Variants in RNF169 observed in about 807,000 individuals in gnomAD.
RNF169 encodes the protein ring finger protein 169, also known as E3 ubiquitin-protein ligase RNF169.
A neutral mutation model predicts 53.9 loss-of-function variants in RNF169; 24 were observed. The ratio of observed to expected loss-of-function variants is 0.45; its 90% confidence interval spans 0.32 to 0.63. The LOEUF is 0.63. RNF169 is among the 20% of genes least tolerant of loss of function. The pLI, the probability that RNF169 is intolerant of heterozygous loss-of-function variation, is 0.04. For synonymous variants in RNF169, 396 were observed against 363.5 expected (o/e 1.09, Z -1.02); for missense variants, 883 against 906.2 (o/e 0.97, Z 0.33).
At chr11:74,789,335 T>A (rs1474633611) in intron 1 of RNF169, among the ~76,000 whole-genome samples, 1 of 152,194 alleles carries the variant, frequency 6.6e-6, no homozygotes, top group African/African-American at 2.4e-5. Flanking sequence ...GGGAGACTAT[T>A]TTCTATAACA....
intron 1 of RNF169, among the ~76,000 whole-genome samples, chr11:74,774,687 G>A (rs960235932): frequency 6.6e-6 from 1 of 152,150 alleles, no homozygotes. Flanking sequence ...GGGTGTAGTG[G>A]CTCATGCCTG....
At chr11:74,797,777 C>T (rs1300042950) in intron 2 of RNF169, among the ~76,000 whole-genome samples, 2 of 152,154 alleles carry the variant, frequency 1.3e-5, no homozygotes, top group Non-Finnish European at 2.9e-5. Flanking sequence ...CCCAGGAGTT[C>T]GAGACCAGCC....
Position 74,836,575 on chromosome 11 carries a change from G to T in RNF169, c.1972G>T (p.Glu658Ter). The T allele has an allele frequency of 6.2e-7, 1 of 1,614,148 alleles. No homozygotes were observed. The highest frequency in any genetic ancestry group is 8.5e-7 in the Non-Finnish European group (1 of 1,180,048). Residue 658 changes from glutamate to a stop codon, truncating the protein, a stop_gained, in exon 6 of 6, where the codon GAG becomes TAG. Coordinates refer to ENST00000299563, the MANE Select transcript of RNF169 (RefSeq NM_001098638.2). LOFTEE classifies it high-confidence loss of function. The part of the protein sequence containing the change: ...GLAPTDPVLR[E>*]MEQKLQQEEE... ...GGCCCCAACAGACCCAGTCCTGCGA[G>T]AGATGGAGCAGAAGCTTCAGCAAGA...
Position 74,832,317 on chromosome 11 carries a change from A to C in RNF169, c.843-2359A>C, listed in dbSNP as rs185922738. ...TTTTTTTTTTTTTTTTCTTCATTGC[A>C]TGTTTGGTCACTGCAAGTGTGTTTC... is the stretch of plus-strand genomic sequence containing the variant. On this transcript the variant is annotated intron_variant, in intron 4 of 5. Transcript: ENST00000299563. 2.4e-3 allele frequency: 343 copies of C among 145,452 alleles called. 1 individual carries two copies. The highest frequency in any genetic ancestry group is 8.5e-3 in the African/African-American group (334 of 39,226). 9.0% of individuals were successfully genotyped at this position (145,452 alleles called of 1,614,324 possible).
At chr11:74,782,598 G>A (rs1387541999) in intron 1 of RNF169, among the ~76,000 whole-genome samples, 1 of 152,158 alleles carries the variant, frequency 6.6e-6, no homozygotes, top group Non-Finnish European at 1.5e-5. Context: ...TGCCAGAAAG[G>A]CTGGGGACCA....
intron 1 of RNF169, among the ~76,000 whole-genome samples, chr11:74,784,129 C>T (rs2035454764): frequency 6.6e-6 from 1 of 151,950 alleles, no homozygotes; most frequent in Non-Finnish European, 1.5e-5. Context: ...GTTTGAAATC[C>T]TAATAGCATT....
At chr11:74,765,746 G>T (rs912358136) in intron 1 of RNF169, among the ~76,000 whole-genome samples, 2 of 151,502 alleles carry the variant, frequency 1.3e-5, no homozygotes, top group African/African-American at 4.9e-5. Context: ...AGGTTACAGT[G>T]AGCTGAGATT....
At chr11:74,806,487 G>A (rs1244502234) in intron 2 of RNF169, among the ~76,000 whole-genome samples, 1 of 152,102 alleles carries the variant, frequency 6.6e-6, no homozygotes, top group African/African-American at 2.4e-5. Context: ...GTGTATACCT[G>A]CATACATATT....
At chr11:74,780,257 C>T (rs534190569) in intron 1 of RNF169, among the ~76,000 whole-genome samples, 27 of 152,300 alleles carry the variant, frequency 1.8e-4, no homozygotes, top group Non-Finnish European at 2.8e-4. Flanking sequence ...TTTCTTGACT[C>T]TCAAAGAATG....
chr11:74,816,954 A>G (rs1369784617), intron 3 of RNF169, among the ~76,000 whole-genome samples: 2 of 152,206 alleles, frequency 1.3e-5, no homozygotes, highest in African/African-American at 4.8e-5. Flanking sequence ...TAGAGAGAAG[A>G]AAGCCTGAAG....
intron 4 of RNF169, among the ~76,000 whole-genome samples, chr11:74,830,149 AAC>A (rs2036157233): frequency 6.6e-6 from 1 of 152,204 alleles, no homozygotes; most frequent in African/African-American, 2.4e-5. Flanking sequence ...GAGTAGACTA[AAC>A]ACAGAAAACA....
Position 74,837,703 on chromosome 11 carries a change from G to A in RNF169, c.*973G>A, listed in dbSNP as rs2036278354. The A allele has an allele frequency of 6.6e-6, 1 of 152,254 alleles. No individual in the cohort carries two copies. Among genetic ancestry groups the A allele is most frequent in the Non-Finnish European group, 1.5e-5 (1 of 68,050 alleles). The allele number at this position is 152,254 out of a possible 1,614,324, so 9.4% of individuals were successfully genotyped here. On this transcript the variant is annotated 3_prime_UTR_variant, in exon 6 of 6. Transcript: ENST00000299563. ...CAAATGGCCAAGGGTTATCTGCAAT[G>A]TTGATCTAAAATCCTAAAAAATCAC...
intron 2 of RNF169, among the ~76,000 whole-genome samples, chr11:74,793,210 T>C (rs987946227): frequency 3.3e-5 from 5 of 152,094 alleles, no homozygotes; most frequent in African/African-American, 7.2e-5. Context: ...TAGTGGTCGA[T>C]TGGGATAGGG....
rs1250929218 is a variant in RNF169, at chr11:74,836,201, A to T, written c.1598A>T (p.Glu533Val). The T allele has an allele frequency of 7.4e-6, 12 of 1,614,060 alleles. No homozygotes were observed. Among genetic ancestry groups the T allele is most frequent in the Non-Finnish European group, 1.0e-5 (12 of 1,180,026 alleles). ...CCACTGGAAACCTGCTGTTCCTCAGAACTCAAAGGGGGAGGCAGTGGGACT... is the reference window on the plus strand; with the variant it reads ...CCACTGGAAACCTGCTGTTCCTCAGTACTCAAAGGGGGAGGCAGTGGGACT... Reference protein sequence around the residue: ...EIPLETCCSSELKGGGSGTSL... With the variant: ...EIPLETCCSSVLKGGGSGTSL... The change falls in exon 6 of 6, where the codon GAA (glutamate) becomes GTA (valine). Residue 533 changes from glutamate (E) to valine (V), a missense_variant. Transcript: ENST00000299563.
At chr11:74,791,175 T>C (rs1432011885) in intron 2 of RNF169, among the ~76,000 whole-genome samples, 2 of 152,006 alleles carry the variant, frequency 1.3e-5, no homozygotes, top group Non-Finnish European at 2.9e-5. Context: ...AGATCCACAG[T>C]GGGTAGCTCC....
chr11:74,789,340 A>G (rs931436500), intron 1 of RNF169, among the ~76,000 whole-genome samples: 5 of 152,228 alleles, frequency 3.3e-5, no homozygotes, highest in East Asian at 3.8e-4. Context: ...ACTATTTTCT[A>G]TAACAAGCAT....
chr11:74,838,346 G>A lies in RNF169; in HGVS notation c.*1616G>A, dbSNP rs1821352. 0.35 allele frequency: 53,489 copies of A among 151,752 alleles called. 11,765 individuals are homozygous for A. Among genetic ancestry groups the A allele is most frequent in the African/African-American group, 0.63 (26,144 of 41,386 alleles). The allele number at this position is 151,752 out of a possible 1,614,324, so 9.4% of individuals were successfully genotyped here. A position where few individuals can be genotyped will look rare whatever the true frequency, so the allele number is the denominator to read the frequency against. On this transcript the variant is annotated 3_prime_UTR_variant, in exon 6 of 6. Transcript: ENST00000299563. ...CAGTGTTTTGTGGTTATTTGTGGTT[G>A]AGAGAGAGAGAGAATGTAATGTCTG...
At chr11:74,755,913 A>G (rs750028724) in intron 1 of RNF169, among the ~76,000 whole-genome samples, 13 of 152,218 alleles carry the variant, frequency 8.5e-5, no homozygotes, top group Non-Finnish European at 1.2e-4. Flanking sequence ...ACTTTATCCT[A>G]TAAAGCTCTT....
intron 2 of RNF169, among the ~76,000 whole-genome samples, chr11:74,792,474 T>C (rs2035592631): frequency 6.6e-6 from 1 of 152,158 alleles, no homozygotes; most frequent in Non-Finnish European, 1.5e-5. Context: ...CAGTCTTGGC[T>C]CACCACAACC....
Sources: gnomAD v4.1 joint callset for allele counts (sites outside exome capture counted in the v4.1 genomes callset) on GRCh38, gnomAD v4.1.1 for gene constraint, MANE v1.5 for transcripts, NCBI Gene and HGNC (gene_info 2026-07-23, HGNC 2026-07-21) for gene names.